Variants in LRBA observed in about 807,000 individuals in gnomAD.
LRBA encodes LPS responsive beige-like anchor protein, also known as lipopolysaccharide-responsive and beige-like anchor protein.
LRBA carries 176 observed loss-of-function variants against 330.0 expected under a neutral mutation model. The observed-to-expected ratio is 0.53, with a 90% confidence interval of 0.47 to 0.60. LRBA has a LOEUF of 0.60. LRBA is among the 20% of genes least tolerant of loss of function. The probability of loss-of-function intolerance (pLI) is 0.00; values close to 1 mark genes in which losing one functional copy is unlikely to be tolerated. For missense variants in LRBA, 3,259 were observed against 3,444.8 expected, an observed-to-expected ratio of 0.95 and a Z score of 1.35; for synonymous variants, 1,230 against 1,193.0, an observed-to-expected ratio of 1.03 and a Z score of -0.64.
chr4:150,275,148 C>T (rs1010100833), intron 56 of LRBA, among the ~76,000 whole-genome samples: 3 of 152,106 alleles, frequency 2.0e-5, no homozygotes, highest in Admixed American at 1.3e-4. Flanking sequence ...TAAAAGTAAT[C>T]CATCACATAA....
At chr4:150,437,486 G>C in intron 44 of LRBA, among the ~76,000 whole-genome samples, 1 of 146,468 alleles carries the variant, frequency 6.8e-6, no homozygotes, top group African/African-American at 2.5e-5. Context: ...AAATATGCCG[G>C]CATGAACTCT....
At chr4:150,722,675 T>G (rs1161862010) in intron 36 of LRBA, among the ~76,000 whole-genome samples, 1 of 151,942 alleles carries the variant, frequency 6.6e-6, no homozygotes, top group Non-Finnish European at 1.5e-5. Context: ...CCTATCCCGT[T>G]TGTCCACCCT....
chr4:150,929,173 C>T (rs185745643), intron 2 of LRBA, 108 bp from the exon 3 acceptor site: 3 of 636,918 alleles, frequency 4.7e-6, no homozygotes, highest in East Asian at 2.7e-5. Flanking sequence ...TCTTCCTCCA[C>T]ATCAAAAGGT....
At chr4:150,360,463 A>G (rs148198444) in intron 47 of LRBA, among the ~76,000 whole-genome samples, 1 of 152,360 alleles carries the variant, frequency 6.6e-6, no homozygotes, top group Admixed American at 6.5e-5. Context: ...CTTACAATGG[A>G]CAGCACATGT....
chr4:150,412,826 G>A (rs1479263481), intron 47 of LRBA, among the ~76,000 whole-genome samples: 2 of 150,836 alleles, frequency 1.3e-5, no homozygotes, highest in Non-Finnish European at 3.0e-5. Flanking sequence ...CAATAATGAG[G>A]ATATTTTGTA....
chr4:150,298,566 A>C (rs1285666530), intron 53 of LRBA, among the ~76,000 whole-genome samples: 1 of 152,092 alleles, frequency 6.6e-6, no homozygotes, highest in Non-Finnish European at 1.5e-5. Context: ...ACTTTAAAAA[A>C]CAGCTCTGTG....
At position 150,265,523 on chromosome 4, in the gene LRBA, C is replaced by A. The variant is rs1308875697; in HGVS notation, c.*199G>T. Reference sequence around the variant, plus strand: ...TATAGATTTTTTAAAACTACAGAACCCAGCAGCCAGTTTTCTGCTTTGCTA... The same window carrying A: ...TATAGATTTTTTAAAACTACAGAACACAGCAGCCAGTTTTCTGCTTTGCTA... On this transcript the variant is annotated 3_prime_UTR_variant, in exon 57 of 57. Coordinates refer to ENST00000651943, the MANE Select transcript of LRBA (RefSeq NM_001364905.1). The A allele has an allele frequency of 4.0e-6, 2 of 496,728 alleles. No individual in the cohort carries two copies. Among genetic ancestry groups the A allele is most frequent in the Non-Finnish European group, 7.3e-6 (2 of 273,060 alleles). 30.8% of individuals were successfully genotyped at this position (496,728 alleles called of 1,614,324 possible).
chr4:150,662,351 A>G (rs573176051), intron 37 of LRBA, among the ~76,000 whole-genome samples: 1 of 152,354 alleles, frequency 6.6e-6, no homozygotes, highest in Admixed American at 6.5e-5. Flanking sequence ...ATATTACATG[A>G]AACTGCAAGA....
At chr4:150,991,284 A>G (rs562502202) in intron 2 of LRBA, among the ~76,000 whole-genome samples, 6 of 152,196 alleles carry the variant, frequency 3.9e-5, no homozygotes, top group Non-Finnish European at 8.8e-5. Flanking sequence ...GCCACTTTGG[A>G]AAACAGTTTG....
chr4:151,008,646 A>AAG (rs1253549211), intron 2 of LRBA, among the ~76,000 whole-genome samples: 1 of 151,876 alleles, frequency 6.6e-6, no homozygotes, highest in Non-Finnish European at 1.5e-5. Context: ...CATGTTATTC[A>AAG]AGAGTCAACT....
intron 47 of LRBA, among the ~76,000 whole-genome samples, chr4:150,357,696 TGG>T (rs1156471480): frequency 2.6e-5 from 4 of 151,204 alleles, no homozygotes; most frequent in Admixed American, 2.6e-4. Context: ...TAAAAATGGA[TGG>T]GGAAAAATTA....
chr4:150,968,674 C>T (rs1739179060), intron 2 of LRBA, among the ~76,000 whole-genome samples: 2 of 152,276 alleles, frequency 1.3e-5, no homozygotes, highest in South Asian at 4.1e-4. Context: ...CAAGATAAAG[C>T]TTCAGGTACT....
intron 46 of LRBA, among the ~76,000 whole-genome samples, chr4:150,416,391 T>C (rs1747756540): frequency 6.6e-6 from 1 of 152,066 alleles, no homozygotes; most frequent in Non-Finnish European, 1.5e-5. Context: ...TTGAGTAAAA[T>C]AGGGAGGTCA....
intron 56 of LRBA, among the ~76,000 whole-genome samples, chr4:150,272,913 C>T (rs746211656): frequency 3.9e-5 from 6 of 152,096 alleles, no homozygotes; most frequent in Admixed American, 1.3e-4. Flanking sequence ...AGAACGTCCC[C>T]AACCTAGCAA....
At chr4:150,836,579 G>A (rs957663994) in intron 28 of LRBA, among the ~76,000 whole-genome samples, 2 of 152,164 alleles carry the variant, frequency 1.3e-5, no homozygotes, top group African/African-American at 4.8e-5. Flanking sequence ...TAATTTATTT[G>A]CATAGAGGTG....
chr4:150,564,107 G>C (rs1768792730), intron 40 of LRBA, among the ~76,000 whole-genome samples: 1 of 152,072 alleles, frequency 6.6e-6, no homozygotes, highest in African/African-American at 2.4e-5. Flanking sequence ...AACAAAGCTG[G>C]AGGCATCATG....
At chr4:150,300,122 T>G (rs1729477870) in intron 53 of LRBA, among the ~76,000 whole-genome samples, 1 of 152,062 alleles carries the variant, frequency 6.6e-6, no homozygotes, top group Non-Finnish European at 1.5e-5. Context: ...GTAGATTGCA[T>G]TTTCCATTTT....
intron 40 of LRBA, among the ~76,000 whole-genome samples, chr4:150,522,415 T>C (rs1248453388): frequency 2.6e-5 from 4 of 152,210 alleles, no homozygotes; most frequent in Non-Finnish European, 4.4e-5. Context: ...ACAATATTAG[T>C]ATGAATAGAA....
chr4:150,278,195 C>T (rs1254390134), intron 55 of LRBA, among the ~76,000 whole-genome samples, 191 bp from the exon 56 acceptor site: 1 of 152,170 alleles, frequency 6.6e-6, no homozygotes, highest in East Asian at 1.9e-4. Flanking sequence ...CAAAGTTCAT[C>T]AATGCTTGAG....
Sources: allele counts gnomAD v4.1 joint callset (sites outside exome capture counted in the v4.1 genomes callset), GRCh38; gene constraint gnomAD v4.1.1; transcripts MANE v1.5; gene names NCBI Gene and HGNC (gene_info 2026-07-23, HGNC 2026-07-21).